The following CDS2 variants were observed in gnomAD, a reference collection of about 807,000 sequenced individuals.
CDS2 encodes CDP-diacylglycerol synthase 2.
Under a neutral mutation model 59.0 loss-of-function variants are expected in CDS2, and 47 were observed. That is an observed-to-expected ratio of 0.80 (90% CI 0.63 to 1.02). The LOEUF (loss-of-function observed/expected upper bound fraction) is 1.02. CDS2 is among the 50% of genes least tolerant of loss of function. CDS2 has a pLI of 0.00. For missense variants in CDS2, 356 were observed against 558.9 expected (o/e 0.64, Z 3.66); for synonymous variants, 207 against 206.4 (o/e 1.00, Z -0.02).
At chr20:5,180,301 C>CTTT (rs76475408) in intron 5 of CDS2, among the ~76,000 whole-genome samples, 2 of 140,206 alleles carry the variant, frequency 1.4e-5, no homozygotes, top group East Asian at 4.1e-4. Context: ...TATTGGCAAA[C>CTTT]TTTTTTTTTT....
intron 9 of CDS2, 33 bp downstream of exon 9, chr20:5,185,859 G>C: frequency 6.2e-7 from 1 of 1,602,654 alleles, no homozygotes; most frequent in Non-Finnish European, 8.6e-7. Flanking sequence ...GTAAGGGATT[G>C]GGTGGACAGA....
intron 1 of CDS2, among the ~76,000 whole-genome samples, chr20:5,139,050 C>T (rs2090671499): frequency 6.6e-6 from 1 of 152,162 alleles, no homozygotes; most frequent in African/African-American, 2.4e-5. Flanking sequence ...GGCATAAAAA[C>T]AGACACACAG....
intron 1 of CDS2, among the ~76,000 whole-genome samples, chr20:5,150,427 G>T (rs1055602019): frequency 1.3e-5 from 2 of 152,190 alleles, no homozygotes; most frequent in Non-Finnish European, 2.9e-5. Flanking sequence ...CTAGCTTCCT[G>T]GTCTCCGCCA....
intron 5 of CDS2, among the ~76,000 whole-genome samples, chr20:5,180,511 A>G (rs1221915711): frequency 1.3e-5 from 2 of 152,120 alleles, no homozygotes; most frequent in African/African-American, 4.8e-5. Context: ...GTAAACTGCC[A>G]TGTCACTGAT....
chr20:5,170,656 T>C (rs1384985089), intron 1 of CDS2, among the ~76,000 whole-genome samples: 1 of 152,206 alleles, frequency 6.6e-6, no homozygotes, highest in Non-Finnish European at 1.5e-5. Context: ...TTGGTGTTGG[T>C]TTCCTGCTCA....
chr20:5,175,421 T>A, intron 3 of CDS2, 142 bp downstream of exon 3: 2 of 653,782 alleles, frequency 3.1e-6, no homozygotes, highest in Non-Finnish European at 5.4e-6. Context: ...AGAACATCTG[T>A]GACTTCCCAC....
At position 5,195,261 on chromosome 20, in the gene CDS2, G is replaced by A. The variant is rs2091147994; in HGVS notation, c.*5027G>A. The A allele has an allele frequency of 1.3e-5, 2 of 152,426 alleles. No individual in the cohort carries two copies. The highest frequency in any genetic ancestry group is 4.8e-5 in the African/African-American group (2 of 41,414). The allele number at this position is 152,426 out of a possible 1,614,324, so 9.4% of individuals were successfully genotyped here. A position where few individuals can be genotyped will look rare whatever the true frequency, so the allele number is the denominator to read the frequency against. On this transcript the variant is annotated 3_prime_UTR_variant, in exon 13 of 13. Coordinates refer to ENST00000460006, the MANE Select transcript of CDS2 (RefSeq NM_003818.4). ...TGACCTCCGTTGGTGCAATGCCAGA[G>A]ATGGGATTGTCAGCCACCACACTGC...
chr20:5,152,006 C>T (rs1035732308), intron 1 of CDS2, among the ~76,000 whole-genome samples: 4 of 151,164 alleles, frequency 2.6e-5, no homozygotes, highest in Admixed American at 2.6e-4. Context: ...TCAGAAGATC[C>T]GCCTGCCTCA....
intron 1 of CDS2, among the ~76,000 whole-genome samples, chr20:5,135,791 G>A (rs1259927681): frequency 6.6e-6 from 1 of 152,206 alleles, no homozygotes; most frequent in Non-Finnish European, 1.5e-5. Flanking sequence ...TAGGCAGTCT[G>A]TGGTGCAGAA....
intron 1 of CDS2, among the ~76,000 whole-genome samples, chr20:5,172,575 C>T (rs977209281): frequency 6.6e-6 from 1 of 152,152 alleles, no homozygotes; most frequent in Admixed American, 6.5e-5. Flanking sequence ...CATTGGGCCA[C>T]GCATTGAACT....
chr20:5,181,154 G>C (rs1017676679), intron 5 of CDS2, among the ~76,000 whole-genome samples: 5 of 152,170 alleles, frequency 3.3e-5, no homozygotes, highest in African/African-American at 1.2e-4. Flanking sequence ...ATACGGGGTC[G>C]GTAGCTGATT....
chr20:5,173,387 C>T (rs2090970557), intron 1 of CDS2, 136 bp from the exon 2 acceptor site: 2 of 920,624 alleles, frequency 2.2e-6, no homozygotes, highest in Non-Finnish European at 3.4e-6. Flanking sequence ...TCCTGTCAGT[C>T]CCATCACCTG....
Position 5,189,589 on chromosome 20 carries a change from T to C in CDS2, c.1102-146T>C, listed in dbSNP as rs529812135. On this transcript the variant is annotated intron_variant, in intron 11 of 12. Transcript: ENST00000460006. ...AATGCAATAAAATTGTGTCCTAATA[T>C]AGCCTCACCATTAGATTTCATACTT... is the stretch of plus-strand genomic sequence containing the variant. 5.7e-5 allele frequency: 38 copies of C among 662,230 alleles called. No individual in the cohort carries two copies. In the South Asian group the frequency reaches 5.9e-4, roughly 10 times the overall value. The allele number at this position is 662,230 out of a possible 1,614,324, so 41.0% of individuals were successfully genotyped here. A position where few individuals can be genotyped will look rare whatever the true frequency, so the allele number is the denominator to read the frequency against.
At chr20:5,178,707 C>T (rs11696229) in intron 4 of CDS2, 110 bp from the exon 5 acceptor site, 94,150 of 1,118,286 alleles carry the variant, frequency 0.084, 4,857 homozygotes, top group Middle Eastern at 0.17. Context: ...CCGGGGGACT[C>T]AAGGGTGGGG....
chr20:5,167,707 G>C (rs1439043007), intron 1 of CDS2, among the ~76,000 whole-genome samples: 1 of 152,208 alleles, frequency 6.6e-6, no homozygotes, highest in Non-Finnish European at 1.5e-5. Context: ...TGTGAGTGGG[G>C]AGTTGCCCTC....
At chr20:5,158,786 T>C (rs1457401314) in intron 1 of CDS2, among the ~76,000 whole-genome samples, 2 of 152,218 alleles carry the variant, frequency 1.3e-5, no homozygotes, top group Non-Finnish European at 2.9e-5. Context: ...CGTTGTATCT[T>C]ACAAGGTGCA....
At position 5,185,601 on chromosome 20, in the gene CDS2, A is replaced by C. The variant is rs1391723378; in HGVS notation, c.760-157A>C. On this transcript the variant is annotated intron_variant, in intron 8 of 12. Transcript: ENST00000460006. ...GGAACCAAAGGGAGGAGGATATAAG[A>C]TAGGGAACAAGGAAACCATATTTGG... Among the ~76,000 whole-genome samples, 5 of 152,352 alleles carry C rather than the reference A, an allele frequency of 3.3e-5. No individual in the cohort carries two copies. In the South Asian group the frequency reaches 1.0e-3, roughly 32 times the overall value.
rs2091103622 is a variant in CDS2, at chr20:5,190,256, A to G, written c.*22A>G. On this transcript the variant is annotated 3_prime_UTR_variant, in exon 13 of 13. Coordinates refer to ENST00000460006, the MANE Select transcript of CDS2 (RefSeq NM_003818.4). ...GTAGGGGCCACCCAGGGCCAGGAGA[A>G]CAGGAACAGAACTGAGCAGGGGCAG... 6.2e-7 allele frequency: 1 copy of G among 1,609,780 alleles called. No homozygotes were observed. Among genetic ancestry groups the G allele is most frequent in the African/African-American group, 1.3e-5 (1 of 74,984 alleles).
At chr20:5,150,228 C>G (rs1164270552) in intron 1 of CDS2, among the ~76,000 whole-genome samples, 1 of 152,182 alleles carries the variant, frequency 6.6e-6, no homozygotes, top group Non-Finnish European at 1.5e-5. Context: ...GCAGGGCTGA[C>G]CATGCAATGA....
Sources: allele counts gnomAD v4.1 joint callset (sites outside exome capture counted in the v4.1 genomes callset), GRCh38; gene constraint gnomAD v4.1.1; transcripts MANE v1.5; gene names NCBI Gene and HGNC (gene_info 2026-07-23, HGNC 2026-07-21).